The following KIF1A variants were observed in gnomAD, a reference collection of about 807,000 sequenced individuals.
KIF1A encodes the protein kinesin family member 1A, also known as kinesin-like protein KIF1A.
Under a neutral mutation model 227.3 loss-of-function variants are expected in KIF1A, and 46 were observed. That is an observed-to-expected ratio of 0.20 (90% confidence interval 0.16 to 0.26). The LOEUF (loss-of-function observed/expected upper bound fraction) is 0.26, where lower values mean the gene tolerates loss of function less well. KIF1A is among the 10% of genes least tolerant of loss of function. The pLI is 1.00. For missense variants in KIF1A, 1,683 were observed against 2,485.9 expected, an observed-to-expected ratio of 0.68 and a Z score of 6.87; for synonymous variants, 1,022 against 1,012.8, an observed-to-expected ratio of 1.01 and a Z score of -0.17.
chr2:240,760,676 C>A lies in KIF1A; in HGVS notation c.2433G>T (p.Leu811=). 6.5e-7 allele frequency: 1 copy of A among 1,530,288 alleles called. No homozygotes were observed. The highest frequency in any genetic ancestry group is 8.8e-7 in the Non-Finnish European group (1 of 1,136,426). The allele number at this position is 1,530,288 out of a possible 1,614,324, so 94.8% of individuals were successfully genotyped here. Residue 811 remains leucine, a synonymous_variant, in exon 25 of 49, where the codon CTG becomes CTT. Transcript: ENST00000498729. ...CCCTCCAGCCCCACCTGAGCTTCTC[C>A]AGCGTCCAGTAGTGGGTGGCCCCGT... ...QKNGATHYWT[L]EKLRQRLDLM...
Position 240,763,145 on chromosome 2 carries a change from TG to T in KIF1A, c.1949+20del. ...GAGGGCAGGAGGGGCAGCAGGCAGT[TG>T]GGGGTGGCCTCCGCCTCACCTCTGC... On this transcript the variant is annotated intron_variant, in intron 21 of 48. Transcript: ENST00000498729. 1.9e-6 allele frequency: 3 copies of T among 1,605,326 alleles called. No individual in the cohort carries two copies. Among genetic ancestry groups the T allele is most frequent in the Non-Finnish European group, 8.5e-7 (1 of 1,177,934 alleles).
intron 1 of KIF1A, among the ~76,000 whole-genome samples, chr2:240,804,890 C>A (rs1198605040): frequency 3.9e-5 from 6 of 152,010 alleles, no homozygotes; most frequent in Admixed American, 3.9e-4. Context: ...TTTCCCAGGG[C>A]CCCAAGATTC....
chr2:240,764,299 C>T (rs539149255), intron 20 of KIF1A, among the ~76,000 whole-genome samples: 30 of 152,178 alleles, frequency 2.0e-4, no homozygotes, highest in Non-Finnish European at 3.4e-4. Flanking sequence ...TAAGGCCTCT[C>T]TTAGCCTAGG....
rs2049077964 is a variant in KIF1A, at chr2:240,750,430, T to C, written c.2976A>G (p.Ser992=). 3.7e-6 allele frequency: 6 copies of C among 1,610,178 alleles called. No individual in the cohort carries two copies. Among genetic ancestry groups the C allele is most frequent in the Non-Finnish European group, 5.1e-6 (6 of 1,176,764 alleles). ...ACACGGCCTTTGGCCCACACGCACC[T>C]GAGATGGCCTGGACGGCCACGCGGA... ...GFLRVAVQAI[S]ADEEAPDYGS... The change falls in exon 28 of 49, where the codon TCA becomes TCG. Residue 992 remains serine (S), a splice_region_variant and synonymous_variant. Coordinates refer to ENST00000498729, the MANE Select transcript of KIF1A (RefSeq NM_001244008.2).
At chr2:240,807,126 G>GTATA (rs1453884433) in intron 1 of KIF1A, among the ~76,000 whole-genome samples, 6 of 101,078 alleles carry the variant, frequency 5.9e-5, no homozygotes, top group South Asian at 2.9e-4. Flanking sequence ...GTGTGTGTGT[G>GTATA]TGTGTATATA....
At chr2:240,811,656 C>G (rs142822092) in intron 1 of KIF1A, among the ~76,000 whole-genome samples, 3 of 152,092 alleles carry the variant, frequency 2.0e-5, no homozygotes, top group Non-Finnish European at 4.4e-5. Context: ...AGGAAGTCAT[C>G]AGAAACAAGA....
At chr2:240,744,784 G>C (rs1381673568) in intron 32 of KIF1A, among the ~76,000 whole-genome samples, 2 of 152,184 alleles carry the variant, frequency 1.3e-5, no homozygotes, top group Non-Finnish European at 2.9e-5. Context: ...CTTTGTGACA[G>C]AAGTCCCAGC....
At chr2:240,819,591 C>A (rs1194763666) in intron 1 of KIF1A, among the ~76,000 whole-genome samples, 3 of 151,918 alleles carry the variant, frequency 2.0e-5, no homozygotes, top group Non-Finnish European at 4.4e-5. Flanking sequence ...CTGCCCGCGC[C>A]CGGCCGCCCT....
At chr2:240,774,302 G>C (rs2052433459) in intron 11 of KIF1A, 41 bp from the exon 12 acceptor site, 1 of 1,362,648 alleles carries the variant, frequency 7.3e-7, no homozygotes, top group Non-Finnish European at 1.0e-6. Flanking sequence ...GGGGGATCTA[G>C]GCCCCAGGGC....
In KIF1A at chr2:240,750,480, C is replaced by T. The variant is rs1488991591; in HGVS notation, c.2926G>A (p.Glu976Lys). Residue 976 changes from glutamate to lysine, a missense_variant, in exon 28 of 49, where the codon GAG becomes AAG. Physicochemically the swap from Glu to Lys is moderately conservative, Grantham distance 56. Transcript: ENST00000498729. ...PLVHRVAIVS[E>K]KGEVKGFLRV... is the part of the protein sequence containing the mutation. Reference sequence around the variant, plus strand: ...AGGAAGCCCTTCACCTCGCCCTTCTCGCTGACGATTGCCACACGGTGTACC... The same window carrying T: ...AGGAAGCCCTTCACCTCGCCCTTCTTGCTGACGATTGCCACACGGTGTACC... 3.1e-6 allele frequency: 5 copies of T among 1,613,932 alleles called. No individual in the cohort carries two copies. Among genetic ancestry groups the T allele is most frequent in the South Asian group, 1.1e-5 (1 of 91,086 alleles).
At chr2:240,811,443 C>G (rs188194700) in intron 1 of KIF1A, among the ~76,000 whole-genome samples, 1 of 152,356 alleles carries the variant, frequency 6.6e-6, no homozygotes, top group African/African-American at 2.4e-5. Flanking sequence ...GAGAGGGAGC[C>G]ACGTGGCCCC....
At chr2:240,812,961 C>CTGCCTT (rs2058039545) in intron 1 of KIF1A, among the ~76,000 whole-genome samples, 8 of 141,686 alleles carry the variant, frequency 5.6e-5, no homozygotes, top group Non-Finnish European at 9.2e-5. Flanking sequence ...CCTCAAGGAT[C>CTGCCTT]CACCTTCACC....
chr2:240,762,757 G>T lies in KIF1A; in HGVS notation c.2078C>A (p.Pro693Gln). 6.3e-7 allele frequency: 1 copy of T among 1,598,918 alleles called. No individual in the cohort carries two copies. ...CTCCTCCTCCTCCTCGTTCACCTCC[G>T]GGTAGTACCTGGAGTCCATCTGCTT... ...LQKQMDSRYY[P>Q]EVNEEEEEPE... The change falls in exon 23 of 49, where the codon CCG (proline) becomes CAG (glutamine). Residue 693 changes from proline to glutamine, a missense_variant. Pro to Gln is a moderately conservative substitution (Grantham distance 76, BLOSUM62 -1). Coordinates refer to ENST00000498729, the MANE Select transcript of KIF1A (RefSeq NM_001244008.2).
chr2:240,791,329 GAC>G (rs919425351), intron 2 of KIF1A, among the ~76,000 whole-genome samples: 10 of 152,128 alleles, frequency 6.6e-5, no homozygotes, highest in African/African-American at 2.4e-4. Context: ...TCCCAGCTCT[GAC>G]ACAGAGGCCT....
At chr2:240,728,433 G>A in intron 38 of KIF1A, 1 of 1,295,486 alleles carries the variant, frequency 7.7e-7, no homozygotes, top group South Asian at 1.2e-5. Flanking sequence ...AGGCAGCCAG[G>A]ACACACACGT....
At chr2:240,782,264 T>G in intron 10 of KIF1A, 1 of 922,356 alleles carries the variant, frequency 1.1e-6, no homozygotes, top group Non-Finnish European at 1.3e-6. Context: ...GCCCTCTCCA[T>G]GTCCGAGGGG....
intron 8 of KIF1A, 53 bp downstream of exon 8, chr2:240,783,686 C>G: frequency 2.1e-6 from 3 of 1,439,670 alleles, no homozygotes; most frequent in Non-Finnish European, 2.9e-6. Flanking sequence ...GCCACCCACT[C>G]TGGAGCAGGC....
rs150652190 is a variant in KIF1A at position 240,797,488 on chromosome 2, A to C, written c.106+159T>G. 9.5e-4 allele frequency among the ~76,000 whole-genome samples: 145 copies of C among 152,352 alleles called. 3 individuals carry two copies. The South Asian group carries it at 0.019, about 20-fold the overall frequency. On this transcript the variant is annotated intron_variant, in intron 2 of 48. Transcript: ENST00000498729. Reference sequence around the variant, plus strand: ...TTATAAGCCCACCACCGTTGGTGGCAGTTTGTTACAGCAGCCCCAGGACAC... The same window carrying C: ...TTATAAGCCCACCACCGTTGGTGGCCGTTTGTTACAGCAGCCCCAGGACAC...
rs56848210 is a variant in KIF1A at position 240,793,463 on chromosome 2, C to T, written c.107-4151G>A. Among the ~76,000 whole-genome samples the T allele has an allele frequency of 0.031, 4,648 of 152,246 alleles. 208 individuals are homozygous for T. Among genetic ancestry groups the T allele is most frequent in the African/African-American group, 0.1 (4,189 of 41,514 alleles). ...CAGGGGCCGCACATGGCTGAGGGTC[C>T]GCGTCCCCAGCCAGCCTCCAGCATC... is the stretch of plus-strand genomic sequence containing the variant. On this transcript the variant is annotated intron_variant, in intron 2 of 48. Coordinates refer to ENST00000498729, the MANE Select transcript of KIF1A (RefSeq NM_001244008.2). This position sits in a 1 kb window ranked among gnomAD's most constrained non-coding sequence, Gnocchi z 4.8.
Sources: allele counts gnomAD v4.1 joint callset (sites outside exome capture counted in the v4.1 genomes callset), GRCh38; gene constraint gnomAD v4.1.1; non-coding constraint Gnocchi (gnomAD v3.1); transcripts MANE v1.5; gene names NCBI Gene and HGNC (gene_info 2026-07-23, HGNC 2026-07-21).